MAP2: variants seen among roughly 807,000 people sequenced by gnomAD.
MAP2 encodes the protein microtubule associated protein 2, also known as microtubule-associated protein 2.
In MAP2, 14 loss-of-function variants were observed where a neutral mutation model predicts 137.6. That is an observed-to-expected ratio of 0.10 (90% CI 0.07 to 0.16). MAP2 has a LOEUF of 0.16. Ranked by LOEUF, MAP2 falls within the 10% of genes least tolerant of loss-of-function variation. MAP2 has a pLI of 1.00. For missense variants in MAP2, 2,088 were observed against 2,191.5 expected (o/e 0.95, Z 0.94); for synonymous variants, 786 against 782.3 (o/e 1.00, Z -0.08).
At chr2:209,612,762 G>A (rs2087422157) in intron 3 of MAP2, among the ~76,000 whole-genome samples, 1 of 152,028 alleles carries the variant, frequency 6.6e-6, no homozygotes, top group African/African-American at 2.4e-5. Context: ...GTCTTTTTTG[G>A]TCATGAGTCA....
intron 2 of MAP2, among the ~76,000 whole-genome samples, chr2:209,527,715 A>C (rs2064289262): frequency 6.6e-6 from 1 of 152,128 alleles, no homozygotes; most frequent in African/African-American, 2.4e-5. Context: ...TGGTTCTCAG[A>C]GTGTCCCCTG....
At chr2:209,665,586 G>T (rs556053637) in intron 5 of MAP2, among the ~76,000 whole-genome samples, 327 of 152,240 alleles carry the variant, frequency 2.1e-3, no homozygotes, top group African/African-American at 7.5e-3. Context: ...TCCTTTAAAG[G>T]AGTATACCAG....
intron 4 of MAP2, among the ~76,000 whole-genome samples, chr2:209,630,949 C>T (rs35534715): frequency 2.9e-5 from 4 of 136,798 alleles, no homozygotes; most frequent in African/African-American, 1.1e-4. Flanking sequence ...TATTCAAGCT[C>T]TCCTTGTCCC....
chr2:209,457,889 T>A (rs1701912081), intron 1 of MAP2, among the ~76,000 whole-genome samples: 1 of 152,180 alleles, frequency 6.6e-6, no homozygotes, highest in African/African-American at 2.4e-5. Flanking sequence ...GGCCACAGTA[T>A]GCTACTGCCC....
chr2:209,577,350 GGA>G (rs2075519446), intron 2 of MAP2, among the ~76,000 whole-genome samples: 1 of 151,782 alleles, frequency 6.6e-6, no homozygotes, highest in South Asian at 2.1e-4. Context: ...TACATACTGG[GGA>G]GAGAGGATGA....
chr2:209,711,086 G>T (rs933153718), intron 13 of MAP2, among the ~76,000 whole-genome samples: 6 of 152,134 alleles, frequency 3.9e-5, no homozygotes, highest in Non-Finnish European at 8.8e-5. Context: ...TCATTGAAGA[G>T]ATATAAAACA....
intron 1 of MAP2, among the ~76,000 whole-genome samples, chr2:209,446,047 G>T (rs552176608): frequency 1.3e-5 from 2 of 151,630 alleles, no homozygotes; most frequent in African/African-American, 4.8e-5. Context: ...GGTTTTGGGG[G>T]TAGTTGTTTA....
At chr2:209,696,518 G>T (rs1343196635) in intron 8 of MAP2, 24 bp from the exon 9 acceptor site, 1 of 1,576,440 alleles carries the variant, frequency 6.3e-7, no homozygotes, top group Admixed American at 1.8e-5. Flanking sequence ...TGTTGTTGTT[G>T]TCATGATTTG....
At chr2:209,554,509 C>T (rs574988328) in intron 2 of MAP2, among the ~76,000 whole-genome samples, 41 of 152,216 alleles carry the variant, frequency 2.7e-4, no homozygotes, top group Non-Finnish European at 4.7e-4. Flanking sequence ...GGTTTGGGGT[C>T]GGGTGCAGTG....
At chr2:209,575,267 A>G (rs763335078) in intron 2 of MAP2, among the ~76,000 whole-genome samples, 3 of 152,098 alleles carry the variant, frequency 2.0e-5, no homozygotes, top group African/African-American at 4.8e-5. Context: ...CATGCATGTA[A>G]TCCCAGCACT....
At chr2:209,501,987 A>G (rs1041849077) in intron 1 of MAP2, among the ~76,000 whole-genome samples, 2 of 152,084 alleles carry the variant, frequency 1.3e-5, no homozygotes, top group Non-Finnish European at 2.9e-5. Context: ...AAAATTGTAT[A>G]TATTTAAGTG....
chr2:209,520,513 G>A (rs1045278777), intron 2 of MAP2, among the ~76,000 whole-genome samples: 1 of 151,996 alleles, frequency 6.6e-6, no homozygotes, highest in Non-Finnish European at 1.5e-5. Context: ...AGTTCTCTGT[G>A]CAAGGAGAAA....
At chr2:209,719,500 G>A (rs959561183) in intron 13 of MAP2, among the ~76,000 whole-genome samples, 3 of 152,164 alleles carry the variant, frequency 2.0e-5, no homozygotes, top group South Asian at 2.1e-4. Context: ...TTCATTTTAC[G>A]TTTCTTAGTA....
At chr2:209,466,960 C>T (rs550544824) in intron 1 of MAP2, among the ~76,000 whole-genome samples, 3 of 152,272 alleles carry the variant, frequency 2.0e-5, no homozygotes, top group Non-Finnish European at 2.9e-5. Context: ...GGCATTTTCT[C>T]TTGAGTGTGC....
intron 2 of MAP2, among the ~76,000 whole-genome samples, chr2:209,556,646 A>C (rs1257017871): frequency 6.8e-6 from 1 of 147,758 alleles, no homozygotes; most frequent in Admixed American, 6.6e-5. Context: ...CATACTGGCA[A>C]CATAATCTGG....
intron 4 of MAP2, among the ~76,000 whole-genome samples, chr2:209,634,124 A>G (rs1384956446): frequency 6.6e-6 from 1 of 152,084 alleles, no homozygotes; most frequent in Non-Finnish European, 1.5e-5. Flanking sequence ...TTCTTTCCTC[A>G]AGTTTGCTCT....
At chr2:209,460,418 A>T (rs555224526) in intron 1 of MAP2, among the ~76,000 whole-genome samples, 4 of 152,302 alleles carry the variant, frequency 2.6e-5, no homozygotes, top group Non-Finnish European at 4.4e-5. Context: ...TGGCCCTAGA[A>T]AATCACTGCA....
At chr2:209,642,439 A>AG (rs2094112128) in intron 4 of MAP2, among the ~76,000 whole-genome samples, 1 of 151,906 alleles carries the variant, frequency 6.6e-6, no homozygotes, top group Non-Finnish European at 1.5e-5. Flanking sequence ...AAAAAAAAAA[A>AG]AAAGAAAGAA....
At chr2:209,623,451 A>C (rs2091687971) in intron 3 of MAP2, among the ~76,000 whole-genome samples, 1 of 152,212 alleles carries the variant, frequency 6.6e-6, no homozygotes, top group African/African-American at 2.4e-5. Flanking sequence ...AAAATCATGA[A>C]GATGAAGCAC....
Sources: allele counts gnomAD v4.1 joint callset (sites outside exome capture counted in the v4.1 genomes callset), GRCh38; gene constraint gnomAD v4.1.1; transcripts MANE v1.5; gene names NCBI Gene and HGNC (gene_info 2026-07-23, HGNC 2026-07-21).